Variants in PLEKHA5 observed in about 807,000 individuals in gnomAD.
PLEKHA5 encodes the protein pleckstrin homology domain-containing family A member 5.
A neutral mutation model predicts 181.9 loss-of-function variants in PLEKHA5; 55 were observed. That is an observed-to-expected ratio of 0.30 (90% confidence interval 0.24 to 0.38). The LOEUF is 0.38. PLEKHA5 is among the 10% of genes least tolerant of loss of function. The pLI, the probability that PLEKHA5 is intolerant of heterozygous loss-of-function variation, is 1.00. For synonymous variants in PLEKHA5, 535 were observed against 529.4 expected, an observed-to-expected ratio of 1.01 and a Z score of -0.15; for missense variants, 1,432 against 1,549.5, an observed-to-expected ratio of 0.92 and a Z score of 1.27.
chr12:19,257,330 A>T (rs1339959636), intron 5 of PLEKHA5, 103 bp from the exon 6 acceptor site: 1 of 609,590 alleles, frequency 1.6e-6, no homozygotes, highest in East Asian at 3.0e-5. Flanking sequence ...AAGTCCTGCA[A>T]GTCTTGGGAA....
At chr12:19,289,911 T>G (rs1487208168) in intron 13 of PLEKHA5, among the ~76,000 whole-genome samples, 1 of 151,404 alleles carries the variant, frequency 6.6e-6, no homozygotes, top group African/African-American at 2.4e-5. Flanking sequence ...GATATCCAAG[T>G]TTTATTTTAT....
At chr12:19,171,992 C>G (rs1277336822) in intron 3 of PLEKHA5, among the ~76,000 whole-genome samples, 1 of 152,042 alleles carries the variant, frequency 6.6e-6, no homozygotes, top group Non-Finnish European at 1.5e-5. Flanking sequence ...GCCTTGCTTC[C>G]GGAATACCTC....
intron 21 of PLEKHA5, among the ~76,000 whole-genome samples, chr12:19,340,996 G>T (rs1281511006): frequency 1.3e-5 from 2 of 151,762 alleles, no homozygotes. Context: ...AGTTGGCTGG[G>T]CACAGTGGCG....
chr12:19,246,581 C>T (rs562194451), intron 3 of PLEKHA5, among the ~76,000 whole-genome samples: 12 of 148,242 alleles, frequency 8.1e-5, no homozygotes, highest in African/African-American at 2.7e-4. Flanking sequence ...GAGATTGCGC[C>T]ACTGCACTCC....
intron 3 of PLEKHA5, among the ~76,000 whole-genome samples, chr12:19,199,659 C>CTGTTT (rs1277280676): frequency 6.6e-6 from 1 of 152,092 alleles, no homozygotes; most frequent in East Asian, 1.9e-4. Flanking sequence ...TGTTGAGATA[C>CTGTTT]CAAGTCCCAG....
intron 7 of PLEKHA5, among the ~76,000 whole-genome samples, chr12:19,261,277 G>C (rs1421436603): frequency 6.6e-6 from 1 of 152,046 alleles, no homozygotes; most frequent in African/African-American, 2.4e-5. Context: ...TGCTACTCTT[G>C]AATTCGGTGC....
intron 3 of PLEKHA5, among the ~76,000 whole-genome samples, chr12:19,217,590 T>G (rs560252611): frequency 1.1e-4 from 16 of 152,232 alleles, no homozygotes; most frequent in African/African-American, 3.4e-4. Flanking sequence ...AGTTGGAAAA[T>G]TAGTCCAAGT....
intron 3 of PLEKHA5, among the ~76,000 whole-genome samples, chr12:19,162,575 A>T (rs1003476031): frequency 5.4e-4 from 20 of 37,010 alleles, no homozygotes; most frequent in Non-Finnish European, 3.5e-3. Flanking sequence ...GTTAGCTTTA[A>T]AAAAAAAAAA....
intron 20 of PLEKHA5, among the ~76,000 whole-genome samples, chr12:19,333,816 G>A (rs757350507): frequency 4.6e-5 from 7 of 151,720 alleles, no homozygotes; most frequent in Non-Finnish European, 8.8e-5. Flanking sequence ...TCACTATGTT[G>A]ACCAGGCTGG....
intron 3 of PLEKHA5, among the ~76,000 whole-genome samples, chr12:19,240,074 C>A (rs2152442790): frequency 6.6e-6 from 1 of 152,268 alleles, no homozygotes; most frequent in Non-Finnish European, 1.5e-5. Flanking sequence ...TATGAGTCAG[C>A]TCCTTTTTTA....
chr12:19,322,787 A>G (rs1456374565), intron 20 of PLEKHA5, 120 bp downstream of exon 20: 1 of 643,790 alleles, frequency 1.6e-6, no homozygotes, highest in Admixed American at 3.0e-5. Flanking sequence ...AGCAGAAAAT[A>G]TTAATTTGTT....
At chr12:19,281,679 A>G (rs563702126) in intron 11 of PLEKHA5, among the ~76,000 whole-genome samples, 20 of 152,230 alleles carry the variant, frequency 1.3e-4, no homozygotes, top group African/African-American at 4.8e-4. Flanking sequence ...ACTTTTAAAA[A>G]TCTTTTTTAT....
chr12:19,320,129 G>A, intron 17 of PLEKHA5, 73 bp downstream of exon 17: 4 of 574,320 alleles, frequency 7.0e-6, no homozygotes, highest in South Asian at 6.8e-5. Context: ...TGACATTTGA[G>A]TGTACACATA....
chr12:19,366,621 C>G (rs998070379), intron 30 of PLEKHA5, among the ~76,000 whole-genome samples: 1 of 152,094 alleles, frequency 6.6e-6, no homozygotes, highest in Non-Finnish European at 1.5e-5. Flanking sequence ...CCACTGCACT[C>G]CAGCCTGGGT....
intron 20 of PLEKHA5, among the ~76,000 whole-genome samples, chr12:19,333,775 A>AT (rs1236106595): frequency 1.3e-5 from 2 of 151,572 alleles, no homozygotes; most frequent in South Asian, 2.1e-4. Context: ...AGCCCAGATA[A>AT]TTTTTTTGTA....
chr12:19,144,327 A>G (rs573000252), intron 3 of PLEKHA5, among the ~76,000 whole-genome samples: 1 of 152,282 alleles, frequency 6.6e-6, no homozygotes, highest in Admixed American at 6.5e-5. Context: ...CTTCAGTTCC[A>G]TGCGGTATAA....
chr12:19,245,675 C>T (rs1198309095), intron 3 of PLEKHA5, among the ~76,000 whole-genome samples: 1 of 137,830 alleles, frequency 7.3e-6, no homozygotes, highest in Non-Finnish European at 1.5e-5. Context: ...TGCAGTGAGC[C>T]GAGATCACGC....
chr12:19,334,573 T>C (rs2093169414), intron 20 of PLEKHA5, among the ~76,000 whole-genome samples: 1 of 151,856 alleles, frequency 6.6e-6, no homozygotes, highest in Non-Finnish European at 1.5e-5. Flanking sequence ...TAATTTACTC[T>C]CCCTAAAGCC....
chr12:19,175,645 A>G (rs1007645633), intron 3 of PLEKHA5, among the ~76,000 whole-genome samples: 1 of 152,186 alleles, frequency 6.6e-6, no homozygotes, highest in Non-Finnish European at 1.5e-5. Context: ...AATCCTTTGT[A>G]GGTTGTGGGA....
Sources: allele counts gnomAD v4.1 joint callset (sites outside exome capture counted in the v4.1 genomes callset), GRCh38; gene constraint gnomAD v4.1.1; transcripts MANE v1.5; gene names NCBI Gene and HGNC (gene_info 2026-07-23, HGNC 2026-07-21).